The following PCNX4 variants were observed in gnomAD, a reference collection of about 807,000 sequenced individuals.
PCNX4 encodes the protein pecanex-like protein 4.
In PCNX4, 103 loss-of-function variants were observed where a neutral mutation model predicts 107.2. The ratio of observed to expected loss-of-function variants is 0.96; its 90% CI spans 0.82 to 1.13. The LOEUF (loss-of-function observed/expected upper bound fraction) is 1.13, where lower values mean the gene tolerates loss of function less well. Among genes scored for constraint, PCNX4 ranks in the 50% most tolerant of loss-of-function variants. PCNX4 has a pLI of 0.00. For synonymous variants in PCNX4, 541 were observed against 481.7 expected (o/e 1.12, Z -1.61); for missense variants, 1,528 against 1,379.4 (o/e 1.11, Z -1.71).
chr14:60,103,481 G>A (rs1895571670), intron 1 of PCNX4, among the ~76,000 whole-genome samples: 1 of 152,134 alleles, frequency 6.6e-6, no homozygotes, highest in African/African-American at 2.4e-5. Context: ...GGTATATTCT[G>A]TGGGATATAT....
At chr14:60,119,090 A>G (rs183699054) in intron 7 of PCNX4, among the ~76,000 whole-genome samples, 1 of 152,324 alleles carries the variant, frequency 6.6e-6, no homozygotes, top group African/African-American at 2.4e-5. Flanking sequence ...CTAGCTTTAC[A>G]TAATATCAGC....
rs991786409 is a variant in PCNX4, at chr14:60,138,528, C to G, written c.*4307C>G. 3.3e-5 allele frequency: 5 copies of G among 152,198 alleles called. No homozygotes were observed. Among genetic ancestry groups the G allele is most frequent in the Non-Finnish European group, 5.9e-5 (4 of 68,032 alleles). The allele number at this position is 152,198 out of a possible 1,614,324, so 9.4% of individuals were successfully genotyped here. A position where few individuals can be genotyped will look rare whatever the true frequency, so the allele number is the denominator to read the frequency against. On this transcript the variant is annotated 3_prime_UTR_variant, in exon 11 of 11. Transcript: ENST00000406854. ...AGGCACAATTTTATTAAACTGACAG[C>G]TAACTTCTCAACAGAAAATATGGGA...
At position 60,147,085 on chromosome 14, in the gene PCNX4, T is replaced by A. The variant is rs1428186167; in HGVS notation, c.*12864T>A. 6.6e-6 allele frequency: 1 copy of A among 151,952 alleles called. No homozygotes were observed. The highest frequency in any genetic ancestry group is 1.5e-5 in the Non-Finnish European group (1 of 68,002). 9.4% of individuals were successfully genotyped at this position (151,952 alleles called of 1,614,324 possible). On this transcript the variant is annotated 3_prime_UTR_variant, in exon 11 of 11. Transcript: ENST00000406854. ...CCGTCTCTACAAAAACTACAAAACC[T>A]AGCCAGGCATGGTGGTGTGCGCCTA...
Position 60,108,045 on chromosome 14 carries a change from A to C in PCNX4, c.407A>C (p.Tyr136Ser), listed in dbSNP as rs753331079. 1 of 1,612,908 alleles carries C rather than the reference A, an allele frequency of 6.2e-7. No individual in the cohort carries two copies. The highest frequency in any genetic ancestry group is 1.1e-5 in the South Asian group (1 of 91,084). The part of the protein sequence containing the change: ...TVKFLIPGKK[Y>S]VANTVFHSIL... Reference sequence around the variant, plus strand: ...AAATTTCTCATTCCTGGCAAGAAATATGTAGCCAATACAGTTTTTCATTCT... The same window carrying C: ...AAATTTCTCATTCCTGGCAAGAAATCTGTAGCCAATACAGTTTTTCATTCT... The change falls in exon 2 of 11, where the codon TAT becomes TCT. Residue 136 changes from tyrosine (Y) to serine (S), a missense_variant. Tyr to Ser is a moderately radical substitution (Grantham distance 144). Transcript: ENST00000406854.
At chr14:60,111,800 G>T (rs1034134416) in intron 2 of PCNX4, among the ~76,000 whole-genome samples, 1 of 151,962 alleles carries the variant, frequency 6.6e-6, no homozygotes, top group Non-Finnish European at 1.5e-5. Context: ...AGAGTTTTTT[G>T]TTTTTGTTTA....
rs927480278 is a variant in PCNX4, at chr14:60,140,315, C to T, written c.*6094C>T. On this transcript the variant is annotated 3_prime_UTR_variant, in exon 11 of 11. Coordinates refer to ENST00000406854, the MANE Select transcript of PCNX4 (RefSeq NM_001330177.2). This position sits in a 1 kb window ranked among gnomAD's most constrained non-coding sequence, Gnocchi z 4.2. ...TTGACAAATGAAAAAATAGAAAATT[C>T]GAGTAGTTCCCTATCTGCTAAAGAA... 4 of 152,050 alleles carry T rather than the reference C, an allele frequency of 2.6e-5. No homozygotes were observed. The highest frequency in any genetic ancestry group is 5.9e-5 in the Non-Finnish European group (4 of 67,998). The allele number at this position is 152,050 out of a possible 1,614,324, so 9.4% of individuals were successfully genotyped here.
At chr14:60,112,875 CATTA>C (rs1895765150) in intron 2 of PCNX4, among the ~76,000 whole-genome samples, 1 of 152,188 alleles carries the variant, frequency 6.6e-6, no homozygotes, top group Admixed American at 6.5e-5. Flanking sequence ...ATGTTTTGCT[CATTA>C]ATTCTCTGCT....
At chr14:60,110,017 C>G (rs552083606) in intron 2 of PCNX4, 30 of 167,112 alleles carry the variant, frequency 1.8e-4, no homozygotes, top group African/African-American at 6.7e-4. Flanking sequence ...AGAGAAGGAA[C>G]CAGAACTTGA....
chr14:60,133,562 T>C, intron 10 of PCNX4: 1 of 424,950 alleles, frequency 2.4e-6, no homozygotes, highest in Non-Finnish European at 4.6e-6. Context: ...GAATTGCATA[T>C]AGTAAGTAAA....
At chr14:60,115,507 G>A in intron 4 of PCNX4, 46 bp downstream of exon 4, 1 of 1,493,516 alleles carries the variant, frequency 6.7e-7, no homozygotes, top group Non-Finnish European at 8.9e-7. Flanking sequence ...ATCATATCCT[G>A]GAAGTATTCA....
chr14:60,106,224 C>T (rs956693625), intron 1 of PCNX4, among the ~76,000 whole-genome samples: 1 of 152,086 alleles, frequency 6.6e-6, no homozygotes, highest in African/African-American at 2.4e-5. Flanking sequence ...CCCTCATATA[C>T]CAAAATCCAA....
chr14:60,126,913 C>T (rs1028725635), intron 10 of PCNX4, among the ~76,000 whole-genome samples: 1 of 152,164 alleles, frequency 6.6e-6, no homozygotes, highest in African/African-American at 2.4e-5. Context: ...GCTACTCCTT[C>T]CCTCCACCAA....
Position 60,125,540 on chromosome 14 carries a change from A to C in PCNX4, c.3081-97A>C, listed in dbSNP as rs1200539155. ...TTTTATCTGAAATAGATATGATTTC[A>C]GTTCAATGTCTTAAAATATTGGTTT... On this transcript the variant is annotated intron_variant, in intron 9 of 10. Transcript: ENST00000406854. 6.7e-6 allele frequency: 6 copies of C among 889,524 alleles called. No homozygotes were observed. In the South Asian group the frequency reaches 1.6e-4, roughly 24 times the overall value. 55.1% of individuals were successfully genotyped at this position (889,524 alleles called of 1,614,324 possible).
intron 2 of PCNX4, among the ~76,000 whole-genome samples, chr14:60,112,748 A>G (rs953476739): frequency 1.3e-5 from 2 of 152,192 alleles, no homozygotes; most frequent in African/African-American, 4.8e-5. Context: ...CCTGCGGCTT[A>G]CTATTTATGT....
chr14:60,096,162 T>A (rs1238975048), intron 1 of PCNX4, among the ~76,000 whole-genome samples: 2 of 79,890 alleles, frequency 2.5e-5, no homozygotes, highest in Non-Finnish European at 6.6e-5. Flanking sequence ...GGTTTTCATA[T>A]CAGTCATAAG....
chr14:60,125,320 CAAG>C (rs764329760), intron 9 of PCNX4, 69 bp downstream of exon 9: 366 of 1,350,672 alleles, frequency 2.7e-4, no homozygotes, highest in Non-Finnish European at 3.5e-4. Context: ...AAATCACGTA[CAAG>C]AAGACAGTTA....
intron 1 of PCNX4, among the ~76,000 whole-genome samples, chr14:60,105,181 A>G (rs925643873): frequency 1.3e-5 from 2 of 152,320 alleles, no homozygotes; most frequent in Non-Finnish European, 2.9e-5. Context: ...AACCTGTAGT[A>G]TGTAGAACAA....
chr14:60,135,603 G>C lies in PCNX4; in HGVS notation c.*1382G>C, dbSNP rs1018938391. Reference sequence around the variant, plus strand: ...AATCTCGCTCTGTCACCCAGGCTGGGGTGCAGTGGCACGATCTCAGCTCAC... The same window carrying C: ...AATCTCGCTCTGTCACCCAGGCTGGCGTGCAGTGGCACGATCTCAGCTCAC... On this transcript the variant is annotated 3_prime_UTR_variant, in exon 11 of 11. Coordinates refer to ENST00000406854, the MANE Select transcript of PCNX4 (RefSeq NM_001330177.2). 1 of 151,788 alleles carries C rather than the reference G, an allele frequency of 6.6e-6. No homozygotes were observed. Among genetic ancestry groups the C allele is most frequent in the Admixed American group, 6.6e-5 (1 of 15,232 alleles). 9.4% of individuals were successfully genotyped at this position (151,788 alleles called of 1,614,324 possible).
At position 60,125,110 on chromosome 14, in the gene PCNX4, T is replaced by C; in HGVS notation, c.2939T>C (p.Phe980Ser). 6.2e-7 allele frequency: 1 copy of C among 1,613,272 alleles called. No individual in the cohort carries two copies. Among genetic ancestry groups the C allele is most frequent in the African/African-American group, 1.3e-5 (1 of 75,012 alleles). Reference sequence around the variant, plus strand: ...GTTCATACAGTAATGACTTGTTATTTTAGTTTATTTGGAATAGACAATATG... The same window carrying C: ...GTTCATACAGTAATGACTTGTTATTCTAGTTTATTTGGAATAGACAATATG... ...FYVHTVMTCYFSLFGIDNMAP... is the reference protein window; with the variant it reads ...FYVHTVMTCYSSLFGIDNMAP... Residue 980 changes from phenylalanine to serine, a missense_variant, in exon 9 of 11, where the codon TTT (phenylalanine) becomes TCT (serine). Phe to Ser is a radical substitution (Grantham distance 155, BLOSUM62 -2). Coordinates refer to ENST00000406854, the MANE Select transcript of PCNX4 (RefSeq NM_001330177.2).
Sources: gnomAD v4.1 joint callset for allele counts (sites outside exome capture counted in the v4.1 genomes callset) on GRCh38, gnomAD v4.1.1 for gene constraint, Gnocchi (gnomAD v3.1) non-coding constraint, MANE v1.5 for transcripts, NCBI Gene and HGNC (gene_info 2026-07-23, HGNC 2026-07-21) for gene names.